The following KSR2 variants were observed in gnomAD, a reference collection of about 807,000 sequenced individuals.
KSR2 encodes kinase suppressor of ras 2.
KSR2 carries 25 observed loss-of-function variants against 107.8 expected under a neutral mutation model. The ratio of observed to expected loss-of-function variants is 0.23; its 90% CI spans 0.17 to 0.32. The LOEUF (loss-of-function observed/expected upper bound fraction) is 0.32, where lower values mean the gene tolerates loss of function less well. Ranked by LOEUF, KSR2 falls within the 10% of genes least tolerant of loss-of-function variation. KSR2 has a pLI of 1.00. For missense variants in KSR2, 887 were observed against 1,268.9 expected (o/e 0.70, Z 4.57); for synonymous variants, 480 against 507.0 (o/e 0.95, Z 0.71).
chr12:117,820,407 T>C (rs1434612388), intron 3 of KSR2, among the ~76,000 whole-genome samples: 2 of 152,210 alleles, frequency 1.3e-5, no homozygotes, highest in African/African-American at 4.8e-5. Flanking sequence ...CTTGCTCCAG[T>C]GGGTCCCGGA....
intron 1 of KSR2, among the ~76,000 whole-genome samples, chr12:117,870,561 T>A (rs1369052164): frequency 6.6e-6 from 1 of 151,868 alleles, no homozygotes. Flanking sequence ...ATCGCACCAC[T>A]GTACTCCAGC....
chr12:117,910,606 CA>C (rs1894982213), intron 1 of KSR2, among the ~76,000 whole-genome samples: 1 of 152,178 alleles, frequency 6.6e-6, no homozygotes, highest in South Asian at 2.1e-4. Context: ...AGAAAAGCTT[CA>C]AGATTTCACA....
chr12:117,543,804 C>T (rs996335797), intron 9 of KSR2, among the ~76,000 whole-genome samples: 5 of 152,178 alleles, frequency 3.3e-5, no homozygotes, highest in Admixed American at 1.3e-4. Context: ...TTGGCAAGGC[C>T]GTGTCTCAGG....
intron 16 of KSR2, among the ~76,000 whole-genome samples, chr12:117,480,069 G>A (rs1384885564): frequency 2.9e-5 from 4 of 138,852 alleles, no homozygotes; most frequent in Non-Finnish European, 4.6e-5. Flanking sequence ...TGTTTATCTC[G>A]AGGACTCAGA....
chr12:117,506,712 G>A (rs1436272513), intron 14 of KSR2, among the ~76,000 whole-genome samples: 1 of 152,176 alleles, frequency 6.6e-6, no homozygotes, highest in Non-Finnish European at 1.5e-5. Context: ...TGGGAGGAAA[G>A]AGAAATTTGG....
intron 5 of KSR2, among the ~76,000 whole-genome samples, chr12:117,592,976 C>T (rs1357564622): frequency 6.6e-6 from 1 of 152,080 alleles, no homozygotes; most frequent in Non-Finnish European, 1.5e-5. Flanking sequence ...CTGGCCCCAC[C>T]CCCAAACCTT....
intron 1 of KSR2, among the ~76,000 whole-genome samples, chr12:117,940,375 A>G (rs976873607): frequency 1.3e-5 from 2 of 152,202 alleles, no homozygotes; most frequent in Non-Finnish European, 2.9e-5. Flanking sequence ...TTCAACTTAT[A>G]TCTATTCTCT....
chr12:117,594,127 G>A (rs1029427331), intron 5 of KSR2, among the ~76,000 whole-genome samples: 2 of 152,186 alleles, frequency 1.3e-5, no homozygotes, highest in African/African-American at 2.4e-5. Flanking sequence ...ATGGAAATAT[G>A]ATGTTTCTCA....
intron 5 of KSR2, among the ~76,000 whole-genome samples, chr12:117,625,922 T>G (rs1231417681): frequency 2.6e-5 from 4 of 152,218 alleles, no homozygotes; most frequent in Non-Finnish European, 4.4e-5. Context: ...CTTCCTGGTT[T>G]AGACTTGGGA....
At chr12:117,804,674 A>G (rs573811762) in intron 3 of KSR2, among the ~76,000 whole-genome samples, 1 of 152,326 alleles carries the variant, frequency 6.6e-6, no homozygotes, top group African/African-American at 2.4e-5. Context: ...CCGGCCTTCA[A>G]GATAATAAGC....
intron 1 of KSR2, among the ~76,000 whole-genome samples, chr12:117,880,729 TTTTTTTC>T (rs1341517139): frequency 6.7e-6 from 1 of 149,986 alleles, no homozygotes; most frequent in East Asian, 1.9e-4. Flanking sequence ...TTTTTTTTTT[TTTTTTTC>T]TGAGACGTGA....
intron 7 of KSR2, among the ~76,000 whole-genome samples, chr12:117,574,217 C>T (rs530698336): frequency 6.6e-6 from 1 of 151,296 alleles, no homozygotes; most frequent in African/African-American, 2.4e-5. Flanking sequence ...TTTTAATAAA[C>T]CCTCCAGGGG....
intron 4 of KSR2, among the ~76,000 whole-genome samples, chr12:117,676,084 G>A (rs1330702014): frequency 6.6e-6 from 1 of 152,230 alleles, no homozygotes; most frequent in Non-Finnish European, 1.5e-5. Flanking sequence ...TTCTGGGGCA[G>A]CAGAGCTTAC....
chr12:117,635,941 A>G (rs7305557), intron 5 of KSR2, among the ~76,000 whole-genome samples: 138,301 of 152,058 alleles, frequency 0.91, 63,155 homozygotes, highest in East Asian at 0.99. Context: ...ACAGGCACAC[A>G]CCACCATGCC....
At position 117,632,477 on chromosome 12, in the gene KSR2, C is replaced by T. The variant is rs139764165; in HGVS notation, c.1171+34997G>A. On this transcript the variant is annotated intron_variant, in intron 5 of 19. Transcript: ENST00000339824. ...TCCTGACTTCATGATCAACCTGCCTCGGCCTCCCAAAGTGCTGGGATTACA... is the reference window on the plus strand; with the variant it reads ...TCCTGACTTCATGATCAACCTGCCTTGGCCTCCCAAAGTGCTGGGATTACA... 9.2e-3 allele frequency among the ~76,000 whole-genome samples: 1,397 copies of T among 152,190 alleles called. 28 individuals carry two copies. The highest frequency in any genetic ancestry group is 0.033 in the African/African-American group (1,353 of 41,542).
chr12:117,830,398 G>A (rs956405066), intron 3 of KSR2, among the ~76,000 whole-genome samples: 5 of 152,172 alleles, frequency 3.3e-5, no homozygotes, highest in African/African-American at 7.2e-5. Flanking sequence ...ACTATTAAGC[G>A]CTACGCTCAC....
chr12:117,695,681 A>G (rs1886024199), intron 4 of KSR2, among the ~76,000 whole-genome samples: 1 of 151,606 alleles, frequency 6.6e-6, no homozygotes, highest in Non-Finnish European at 1.5e-5. Context: ...ACTGCACTCC[A>G]GCCTGGGCGA....
At chr12:117,584,898 C>T (rs944366417) in intron 5 of KSR2, among the ~76,000 whole-genome samples, 2 of 152,226 alleles carry the variant, frequency 1.3e-5, no homozygotes, top group Admixed American at 6.5e-5. Context: ...AAAGGCCACA[C>T]AGCCAGGCAC....
intron 7 of KSR2, among the ~76,000 whole-genome samples, chr12:117,577,261 A>C (rs570734793): frequency 1.3e-3 from 191 of 152,350 alleles, no homozygotes; most frequent in African/African-American, 4.2e-3. Context: ...TAAAGCAAAC[A>C]GATGCACATT....
Sources: gnomAD v4.1 joint callset for allele counts (sites outside exome capture counted in the v4.1 genomes callset) on GRCh38, gnomAD v4.1.1 for gene constraint, MANE v1.5 for transcripts, NCBI Gene and HGNC (gene_info 2026-07-23, HGNC 2026-07-21) for gene names.